DAP3: variants seen among roughly 807,000 people sequenced by gnomAD.
The protein encoded by DAP3 is death associated protein 3.
DAP3 carries 28 observed loss-of-function variants against 51.9 expected under a neutral mutation model. The observed-to-expected ratio is 0.54, with a 90% CI of 0.40 to 0.74. The LOEUF (loss-of-function observed/expected upper bound fraction) is 0.74. Among genes scored for constraint, DAP3 ranks in the 30% least tolerant of loss-of-function variants. The probability of loss-of-function intolerance (pLI) is 0.00; values close to 1 mark genes in which losing one functional copy is unlikely to be tolerated. For missense variants in DAP3, 458 were observed against 483.5 expected, an observed-to-expected ratio of 0.95 and a Z score of 0.49; for synonymous variants, 170 against 170.3, an observed-to-expected ratio of 1.00 and a Z score of 0.01.
At chr1:155,691,850 C>T (rs1002817451) in intron 1 of DAP3, among the ~76,000 whole-genome samples, 24 of 141,348 alleles carry the variant, frequency 1.7e-4, no homozygotes, top group Non-Finnish European at 5.9e-5. Flanking sequence ...AGTCTCAGCA[C>T]CACCCGTAGG....
upstream of DAP3, chr1:155,688,493 C>G (rs550152287): frequency 2.8e-5 from 44 of 1,549,044 alleles, no homozygotes; most frequent in East Asian, 6.8e-4. Flanking sequence ...CGCACGCGTA[C>G]GAGTGTCTAC....
chr1:155,713,769 C>T (rs1230977047), intron 2 of DAP3, among the ~76,000 whole-genome samples: 2 of 152,192 alleles, frequency 1.3e-5, no homozygotes, highest in African/African-American at 4.8e-5. Flanking sequence ...ACCTTATCTT[C>T]CCCATCATAA....
chr1:155,694,596 T>C lies in DAP3; in HGVS notation c.-8+5422T>C, dbSNP rs143530772. 4.9e-4 allele frequency among the ~76,000 whole-genome samples: 61 copies of C among 124,022 alleles called. 19 individuals carry two copies. Among genetic ancestry groups the C allele is most frequent in the African/African-American group, 3.5e-3 (52 of 14,792 alleles). 81.4% of individuals were successfully genotyped at this position (124,022 alleles called of 152,430 possible). On this transcript the variant is annotated intron_variant, in intron 1 of 12. Transcript: ENST00000368336. Reference sequence around the variant, plus strand: ...TGGGTTTTGTTGGTCTTCATCTGGTTGGCTGAAATGTTCATTCGAGCCATC... The same window carrying C: ...TGGGTTTTGTTGGTCTTCATCTGGTCGGCTGAAATGTTCATTCGAGCCATC...
rs1319999628 is a variant in DAP3, at chr1:155,729,030, G to T, written c.604-12G>T. ...CTTTTTTTTGGTTTTTATTTTCTTT[G>T]CTTGCTTTTAGATAAAAGTTCAAGA... is the stretch of plus-strand genomic sequence containing the variant. On this transcript the variant is annotated splice_polypyrimidine_tract_variant and intron_variant, in intron 7 of 12. Transcript: ENST00000368336. 1 of 1,608,516 alleles carries T rather than the reference G, an allele frequency of 6.2e-7. No individual in the cohort carries two copies. Among genetic ancestry groups the T allele is most frequent in the Admixed American group, 1.7e-5 (1 of 58,614 alleles).
At chr1:155,701,868 G>T (rs1655329892) in intron 1 of DAP3, among the ~76,000 whole-genome samples, 1 of 150,880 alleles carries the variant, frequency 6.6e-6, no homozygotes, top group Admixed American at 6.6e-5. Flanking sequence ...CTTTCAAAAA[G>T]AATAATTAAA....
intron 4 of DAP3, among the ~76,000 whole-genome samples, chr1:155,723,266 G>A (rs1042126305): frequency 6.6e-6 from 1 of 152,108 alleles, no homozygotes; most frequent in Admixed American, 6.6e-5. Context: ...GGGCTCAAGC[G>A]ATCCTCCTGT....
chr1:155,732,423 G>T (rs1659342147), intron 11 of DAP3, among the ~76,000 whole-genome samples: 1 of 151,886 alleles, frequency 6.6e-6, no homozygotes, highest in East Asian at 1.9e-4. Flanking sequence ...TAGAGACGAG[G>T]TTTCACCATG....
At chr1:155,726,285 ATTTT>A (rs1174524977) in intron 6 of DAP3, 112 of 120,382 alleles carry the variant, frequency 9.3e-4, no homozygotes, top group South Asian at 4.2e-3. Context: ...CGCCCAGCTA[ATTTT>A]TTTTTTTTTT....
At chr1:155,708,329 T>C (rs1656244098) in intron 1 of DAP3, among the ~76,000 whole-genome samples, 1 of 152,018 alleles carries the variant, frequency 6.6e-6, no homozygotes, top group East Asian at 1.9e-4. Flanking sequence ...GATTACAGGC[T>C]TGAGCCACCA....
chr1:155,722,948 A>G (rs1206217536), intron 4 of DAP3, among the ~76,000 whole-genome samples: 1 of 152,194 alleles, frequency 6.6e-6, no homozygotes, highest in Non-Finnish European at 1.5e-5. Flanking sequence ...TTGTTTTCAG[A>G]CTGGCTTAAC....
At chr1:155,715,848 A>G (rs556977809) in intron 2 of DAP3, among the ~76,000 whole-genome samples, 1 of 152,132 alleles carries the variant, frequency 6.6e-6, no homozygotes, top group South Asian at 2.1e-4. Flanking sequence ...CCTATAGAGC[A>G]GTTTGCTTTC....
At chr1:155,738,088 C>T in intron 12 of DAP3, 69 bp from the exon 13 acceptor site, 2 of 1,497,972 alleles carry the variant, frequency 1.3e-6, no homozygotes, top group Non-Finnish European at 1.9e-6. Flanking sequence ...CCTCTGACTA[C>T]ACGATATTCT....
At chr1:155,709,284 T>TA (rs1186427370) in intron 1 of DAP3, among the ~76,000 whole-genome samples, 2 of 152,148 alleles carry the variant, frequency 1.3e-5, no homozygotes, top group African/African-American at 4.8e-5. Context: ...GAGCTGGGAC[T>TA]ACAGGCATGC....
rs374151645 is a variant in DAP3, at chr1:155,721,590, A to G, written c.242A>G (p.His81Arg). The G allele has an allele frequency of 1.1e-5, 18 of 1,613,946 alleles. No homozygotes were observed. The highest frequency in any genetic ancestry group is 1.4e-5 in the Non-Finnish European group (16 of 1,180,030). Residue 81 changes from histidine to arginine, a missense_variant, in exon 4 of 13, where the codon CAT becomes CGT. Physicochemically the swap from His to Arg is conservative, Grantham distance 29. Coordinates refer to ENST00000368336, the MANE Select transcript of DAP3 (RefSeq NM_004632.4). The stretch of plus-strand genomic sequence containing the variant: ...CAGGATTTGGAGACTGTATTTCCCC[A>G]TGGCCTTCCTCCTCGCTTTGTGATG... The part of the protein sequence containing the change: ...SPQDLETVFP[H>R]GLPPRFVMQV...
chr1:155,699,690 T>C (rs1558338034), intron 1 of DAP3, among the ~76,000 whole-genome samples: 1 of 152,156 alleles, frequency 6.6e-6, no homozygotes, highest in African/African-American at 2.4e-5. Flanking sequence ...CATAGCTCAC[T>C]GCAGCCTCAA....
chr1:155,690,387 A>G (rs1194814001), intron 1 of DAP3, among the ~76,000 whole-genome samples: 2 of 140,844 alleles, frequency 1.4e-5, no homozygotes, highest in Non-Finnish European at 2.9e-5. Context: ...CCCCATCTCT[A>G]CAAAAAGACA....
At chr1:155,728,788 A>G (rs984044316) in intron 7 of DAP3, among the ~76,000 whole-genome samples, 3 of 151,616 alleles carry the variant, frequency 2.0e-5, no homozygotes, top group African/African-American at 7.2e-5. Flanking sequence ...TAAACCTGGG[A>G]GGTGGATGTT....
chr1:155,709,972 T>G, intron 2 of DAP3, 148 bp downstream of exon 2: 1 of 630,752 alleles, frequency 1.6e-6, no homozygotes, highest in South Asian at 2.9e-5. Context: ...TGCTTGAGAA[T>G]TTACCATGGA....
rs1196459888 is a variant in DAP3 at position 155,721,538 on chromosome 1, G to A, written c.190G>A (p.Glu64Lys). Residue 64 changes from glutamate to lysine, a missense_variant, in exon 4 of 13, where the codon GAG (glutamate) becomes AAG (lysine). Coordinates refer to ENST00000368336, the MANE Select transcript of DAP3 (RefSeq NM_004632.4). ...CTAGGCCAAGCATGGGGATCAGCACGAGGGTCAGCACTACAACATCTCCCC... is the reference window on the plus strand; with the variant it reads ...CTAGGCCAAGCATGGGGATCAGCACAAGGGTCAGCACTACAACATCTCCCC... ...NDPAKHGDQH[E>K]GQHYNISPQD... is the part of the protein sequence containing the mutation. 5.6e-6 allele frequency: 9 copies of A among 1,613,754 alleles called. No homozygotes were observed. Among genetic ancestry groups the A allele is most frequent in the Middle Eastern group, 1.6e-4 (1 of 6,082 alleles).
Sources: allele counts gnomAD v4.1 joint callset (sites outside exome capture counted in the v4.1 genomes callset), GRCh38; gene constraint gnomAD v4.1.1; transcripts MANE v1.5; gene names NCBI Gene and HGNC (gene_info 2026-07-23, HGNC 2026-07-21).